The following TBL1X variants were observed in gnomAD, a reference collection of about 807,000 sequenced individuals.
TBL1X encodes the protein F-box-like/WD repeat-containing protein TBL1X.
TBL1X carries 10 observed loss-of-function variants against 50.7 expected under a neutral mutation model. That is an observed-to-expected ratio of 0.20 (90% CI 0.12 to 0.33). The LOEUF (loss-of-function observed/expected upper bound fraction) is 0.33, where lower values mean the gene tolerates loss of function less well. TBL1X is among the 10% of genes least tolerant of loss of function. The pLI is 1.00. For synonymous variants in TBL1X, 190 were observed against 214.7 expected (o/e 0.88, Z 1.01); for missense variants, 340 against 504.4 (o/e 0.67, Z 3.12).
chrX:9,694,999 A>AAATAAATAAAG, intron 11 of TBL1X, among the ~76,000 whole-genome samples: 2 of 91,629 alleles, frequency 2.2e-5, no homozygotes, highest in Middle Eastern at 5.4e-3. Context: ...AATAAATAAA[A>AAATAAATAAAG]TGATAGACTT....
At chrX:9,691,477 T>G in intron 7 of TBL1X, 102 bp from the exon 8 acceptor site, 1 of 805,503 alleles carries the variant, frequency 1.2e-6, no homozygotes, top group Non-Finnish European at 1.7e-6. Flanking sequence ...TCAGAGGTAG[T>G]ATTTAGTACA....
At chrX:9,613,915 G>A (rs1454363569) in intron 2 of TBL1X, among the ~76,000 whole-genome samples, 1 of 105,304 alleles carries the variant, frequency 9.5e-6, no homozygotes, top group African/African-American at 3.5e-5. Flanking sequence ...GAAACCGGGA[G>A]GCGGAGGTTG....
chrX:9,518,040 A>G (rs1478611788), intron 2 of TBL1X, among the ~76,000 whole-genome samples: 1 of 107,188 alleles, frequency 9.3e-6, no homozygotes, highest in African/African-American at 3.4e-5. Flanking sequence ...TCGAGGCTGC[A>G]GTGAGCCATG....
chrX:9,688,548 C>G (rs781764991), intron 7 of TBL1X, among the ~76,000 whole-genome samples: 1 of 112,397 alleles, frequency 8.9e-6, no homozygotes, highest in African/African-American at 3.2e-5. Context: ...TGATTATTGC[C>G]CGTGATAAAC....
At chrX:9,532,481 G>T (rs1601738000) in intron 2 of TBL1X, among the ~76,000 whole-genome samples, 1 of 111,733 alleles carries the variant, frequency 8.9e-6, no homozygotes, top group East Asian at 2.8e-4. Flanking sequence ...CTCTCTCCAG[G>T]AATTGGAGAG....
chrX:9,683,730 C>T (rs781486838), intron 5 of TBL1X, among the ~76,000 whole-genome samples: 3 of 111,205 alleles, frequency 2.7e-5, no homozygotes, highest in Admixed American at 9.5e-5. Flanking sequence ...AATGTCCAAC[C>T]GGGGCATGCA....
intron 8 of TBL1X, 87 bp from the exon 9 acceptor site, chrX:9,692,026 A>C: frequency 8.6e-7 from 1 of 1,159,110 alleles, no homozygotes; most frequent in Non-Finnish European, 1.2e-6. Context: ...TGTGCTGAAG[A>C]TGCCCTCTGG....
intron 1 of TBL1X, among the ~76,000 whole-genome samples, chrX:9,479,965 T>TGTGTGTGTGTGTGTGTGTGTGTG (rs1313372994): frequency 1.2e-4 from 13 of 108,652 alleles, no homozygotes; most frequent in East Asian, 2.9e-4. Flanking sequence ...TGTGTGTGTG[T>TGTGTGTGTGTGTGTGTGTGTGTG]TTGAGATGGA....
chrX:9,480,172 T>G (rs2081873521), intron 1 of TBL1X, among the ~76,000 whole-genome samples: 1 of 111,770 alleles, frequency 8.9e-6, no homozygotes, highest in Non-Finnish European at 1.9e-5. Flanking sequence ...CAAGCTGGTC[T>G]CGAACTCCTG....
intron 1 of TBL1X, among the ~76,000 whole-genome samples, chrX:9,491,544 A>G (rs1329526958): frequency 9.3e-6 from 1 of 107,505 alleles, no homozygotes; most frequent in African/African-American, 3.4e-5. Flanking sequence ...ATCACGCTTT[A>G]TATTTTGTTT....
chrX:9,579,064 C>A (rs1007421811), intron 2 of TBL1X, among the ~76,000 whole-genome samples: 9 of 111,723 alleles, frequency 8.1e-5, no homozygotes, highest in Non-Finnish European at 1.5e-4. Context: ...ATTGTTTTTT[C>A]TTCCCCCTAA....
chrX:9,660,712 G>T lies in TBL1X; in HGVS notation c.211+6390G>T, dbSNP rs1023453528. 3.6e-5 allele frequency among the ~76,000 whole-genome samples: 4 copies of T among 112,415 alleles called. No individual in the cohort carries two copies. In the East Asian group the frequency reaches 1.1e-3, roughly 31 times the overall value. ...GAGCATCTACACTCTGGGCACTCTTGTTTTCCTAAAGAGCCCATTTCTGCA... is the reference window on the plus strand; with the variant it reads ...GAGCATCTACACTCTGGGCACTCTTTTTTTCCTAAAGAGCCCATTTCTGCA... On this transcript the variant is annotated intron_variant, in intron 5 of 17. Coordinates refer to ENST00000645353, the MANE Select transcript of TBL1X (RefSeq NM_005647.4).
intron 2 of TBL1X, among the ~76,000 whole-genome samples, chrX:9,596,315 C>T (rs1350068129): frequency 1.8e-5 from 2 of 112,203 alleles, no homozygotes; most frequent in African/African-American, 6.5e-5. Context: ...GTAATTGTTA[C>T]ATAGGCCAGC....
intron 2 of TBL1X, among the ~76,000 whole-genome samples, chrX:9,532,615 G>A (rs565437932): frequency 2.7e-5 from 3 of 111,193 alleles, no homozygotes; most frequent in African/African-American, 9.8e-5. Flanking sequence ...ACAGCAGCCC[G>A]TAATTCTCCC....
intron 2 of TBL1X, among the ~76,000 whole-genome samples, chrX:9,600,318 G>A (rs1046507736): frequency 1.8e-5 from 2 of 109,030 alleles, no homozygotes; most frequent in African/African-American, 6.7e-5. Context: ...CTCACATGGT[G>A]GAAGGGGTGA....
chrX:9,708,367 G>A (rs1240409295), intron 13 of TBL1X, among the ~76,000 whole-genome samples: 4 of 112,457 alleles, frequency 3.6e-5, no homozygotes, highest in Non-Finnish European at 7.5e-5. Flanking sequence ...ATGTGTGTTT[G>A]TGCCACTCAG....
At chrX:9,488,795 TG>T (rs2081926657) in intron 1 of TBL1X, among the ~76,000 whole-genome samples, 1 of 111,682 alleles carries the variant, frequency 9.0e-6, no homozygotes, top group Non-Finnish European at 1.9e-5. Context: ...TTGAGAAATC[TG>T]GTACTGTTGA....
At chrX:9,624,393 T>A (rs984030467) in intron 2 of TBL1X, among the ~76,000 whole-genome samples, 16 of 112,290 alleles carry the variant, frequency 1.4e-4, no homozygotes, top group Non-Finnish European at 2.4e-4. Flanking sequence ...TCATAGTGTT[T>A]AATTTGTTGT....
chrX:9,589,211 A>G (rs1366827873), intron 2 of TBL1X, among the ~76,000 whole-genome samples: 4 of 111,659 alleles, frequency 3.6e-5, no homozygotes, highest in Non-Finnish European at 7.5e-5. Context: ...TTAGTTTTGT[A>G]GAACTTCTGT....
Sources: allele counts gnomAD v4.1 joint callset (sites outside exome capture counted in the v4.1 genomes callset), GRCh38; gene constraint gnomAD v4.1.1; transcripts MANE v1.5; gene names NCBI Gene and HGNC (gene_info 2026-07-23, HGNC 2026-07-21).